The following MAGI2 variants were observed in gnomAD, a reference collection of about 807,000 sequenced individuals.
MAGI2 encodes membrane-associated guanylate kinase, WW and PDZ domain-containing protein 2.
MAGI2 carries 35 observed loss-of-function variants against 133.3 expected under a neutral mutation model. The ratio of observed to expected loss-of-function variants is 0.26; its 90% CI spans 0.20 to 0.35. MAGI2 has a LOEUF of 0.35. Ranked by LOEUF, MAGI2 falls within the 10% of genes least tolerant of loss-of-function variation. MAGI2 has a pLI of 1.00. For missense variants in MAGI2, 1,636 were observed against 1,863.4 expected (o/e 0.88, Z 2.25); for synonymous variants, 729 against 710.6 (o/e 1.03, Z -0.41).
At chr7:78,393,347 T>C (rs1796070215) in intron 6 of MAGI2, among the ~76,000 whole-genome samples, 1 of 152,200 alleles carries the variant, frequency 6.6e-6, no homozygotes. Flanking sequence ...GGAGAATGTT[T>C]TCTAGTGGCA....
chr7:79,036,955 C>T (rs930971878), intron 1 of MAGI2, among the ~76,000 whole-genome samples: 2 of 152,148 alleles, frequency 1.3e-5, no homozygotes, highest in East Asian at 1.9e-4. Context: ...TTAAACAAGA[C>T]GCCTGCCTTT....
intron 2 of MAGI2, among the ~76,000 whole-genome samples, chr7:78,903,588 G>C (rs1262201840): frequency 1.3e-5 from 2 of 152,126 alleles, no homozygotes; most frequent in African/African-American, 4.8e-5. Flanking sequence ...ATAAGACAAT[G>C]GAGTGAGAAA....
chr7:78,415,536 G>A (rs893302936), intron 6 of MAGI2, among the ~76,000 whole-genome samples: 1 of 152,072 alleles, frequency 6.6e-6, no homozygotes, highest in African/African-American at 2.4e-5. Flanking sequence ...TAGGTTGATG[G>A]AAGGGAAATA....
intron 1 of MAGI2, among the ~76,000 whole-genome samples, chr7:79,335,707 C>T (rs907445437): frequency 2.0e-5 from 3 of 151,800 alleles, no homozygotes; most frequent in African/African-American, 4.8e-5. Context: ...AATTATTTTG[C>T]AGATATTAAG....
Position 79,186,191 on chromosome 7 carries a change from AATATAT to A in MAGI2, c.302-178991_302-178986del, listed in dbSNP as rs60719172. Reference sequence around the variant, plus strand: ...GAGGCCAGCCCTATTTGCCTGGGAAAATATATATATATATATATATATATATATATA... The same window carrying A: ...GAGGCCAGCCCTATTTGCCTGGGAAAATATATATATATATATATATATATA... On this transcript the variant is annotated intron_variant, in intron 1 of 21. Transcript: ENST00000354212. Among the ~76,000 whole-genome samples, 139 of 111,732 alleles carry A rather than the reference AATATAT, an allele frequency of 1.2e-3. 1 individual carries two copies. Among genetic ancestry groups the A allele is most frequent in the South Asian group, 3.6e-3 (11 of 3,038 alleles). 73.3% of individuals were successfully genotyped at this position (111,732 alleles called of 152,430 possible).
intron 1 of MAGI2, among the ~76,000 whole-genome samples, chr7:79,116,305 T>C (rs765119561): frequency 2.6e-5 from 4 of 152,174 alleles, no homozygotes; most frequent in Non-Finnish European, 4.4e-5. Flanking sequence ...TCCATCACAT[T>C]ATTGGACCCT....
chr7:78,970,367 T>C (rs879662781), intron 2 of MAGI2, among the ~76,000 whole-genome samples: 2 of 152,042 alleles, frequency 1.3e-5, no homozygotes, highest in Admixed American at 1.3e-4. Flanking sequence ...CTATGTCTTA[T>C]TTTGCTTGAT....
chr7:78,076,378 G>C (rs1815290955), intron 21 of MAGI2, among the ~76,000 whole-genome samples: 1 of 150,210 alleles, frequency 6.7e-6, no homozygotes, highest in South Asian at 2.1e-4. Flanking sequence ...AGAATCGCTT[G>C]AGCCTGGTTA....
intron 1 of MAGI2, among the ~76,000 whole-genome samples, chr7:79,040,595 A>G (rs906320980): frequency 1.3e-5 from 2 of 151,996 alleles, no homozygotes; most frequent in Admixed American, 6.6e-5. Context: ...TGTAATCCCC[A>G]TAATCCCCAC....
chr7:79,299,551 T>C (rs1314982874), intron 1 of MAGI2, among the ~76,000 whole-genome samples: 2 of 404 alleles, frequency 5.0e-3, no homozygotes, highest in Non-Finnish European at 0.03. Context: ...CAAGACTCCA[T>C]CTCAAAAAAA....
At chr7:78,904,710 C>T (rs1797872352) in intron 2 of MAGI2, among the ~76,000 whole-genome samples, 1 of 152,050 alleles carries the variant, frequency 6.6e-6, no homozygotes, top group African/African-American at 2.4e-5. Flanking sequence ...ACCATGTTGG[C>T]TAAGCTGGTC....
intron 2 of MAGI2, among the ~76,000 whole-genome samples, chr7:78,740,883 T>G (rs1822350119): frequency 6.6e-6 from 1 of 152,228 alleles, no homozygotes; most frequent in Non-Finnish European, 1.5e-5. Flanking sequence ...AATATTATTT[T>G]AAACCTGAGA....
At chr7:78,521,158 A>C (rs1796465284) in intron 4 of MAGI2, among the ~76,000 whole-genome samples, 1 of 151,842 alleles carries the variant, frequency 6.6e-6, no homozygotes, top group Non-Finnish European at 1.5e-5. Flanking sequence ...TGAAATAAAA[A>C]ATTAAAGTAG....
intron 9 of MAGI2, among the ~76,000 whole-genome samples, chr7:78,323,341 A>G (rs1223505574): frequency 6.6e-6 from 1 of 152,210 alleles, no homozygotes; most frequent in East Asian, 1.9e-4. Flanking sequence ...AAGGACATTC[A>G]TACTTCTTTC....
At chr7:78,735,839 T>C (rs1821795048) in intron 2 of MAGI2, among the ~76,000 whole-genome samples, 1 of 152,320 alleles carries the variant, frequency 6.6e-6, no homozygotes, top group East Asian at 1.9e-4. Context: ...TAAAACACCA[T>C]TTCACTTAGC....
chr7:78,240,027 A>G (rs1192563358), intron 10 of MAGI2, among the ~76,000 whole-genome samples: 2 of 151,894 alleles, frequency 1.3e-5, no homozygotes, highest in African/African-American at 4.8e-5. Context: ...GTACATGTGC[A>G]CAACGTGCAG....
chr7:78,547,333 G>A (rs1241247902), intron 3 of MAGI2, among the ~76,000 whole-genome samples: 1 of 152,212 alleles, frequency 6.6e-6, no homozygotes, highest in Non-Finnish European at 1.5e-5. Context: ...AGGAAAAAGT[G>A]TTTACAAGCA....
chr7:78,903,785 G>C (rs1797800085), intron 2 of MAGI2, among the ~76,000 whole-genome samples: 1 of 152,080 alleles, frequency 6.6e-6, no homozygotes, highest in South Asian at 2.1e-4. Context: ...TATTAGCTTT[G>C]AATAAATTGT....
intron 6 of MAGI2, among the ~76,000 whole-genome samples, chr7:78,377,670 T>C (rs893683711): frequency 2.7e-5 from 4 of 150,822 alleles, no homozygotes; most frequent in African/African-American, 9.7e-5. Context: ...AAATAAAAAA[T>C]AAAAATAAAA....
Sources: allele counts gnomAD v4.1 joint callset (sites outside exome capture counted in the v4.1 genomes callset), GRCh38; gene constraint gnomAD v4.1.1; transcripts MANE v1.5; gene names NCBI Gene and HGNC (gene_info 2026-07-23, HGNC 2026-07-21).